IQCM: variants seen among roughly 807,000 people sequenced by gnomAD.
IQCM encodes IQ motif containing M.
In IQCM, 45 loss-of-function variants were observed where a neutral mutation model predicts 57.6. The ratio of observed to expected loss-of-function variants is 0.78; its 90% CI spans 0.62 to 1.00. IQCM has a LOEUF of 1.00. IQCM is among the 50% of genes least tolerant of loss of function. IQCM has a pLI of 0.00. For synonymous variants in IQCM, 148 were observed against 158.9 expected, an observed-to-expected ratio of 0.93 and a Z score of 0.51; for missense variants, 468 against 511.6, an observed-to-expected ratio of 0.91 and a Z score of 0.82.
chr4:149,400,916 C>T (rs1047854202), intron 13 of IQCM, among the ~76,000 whole-genome samples: 5 of 151,732 alleles, frequency 3.3e-5, no homozygotes, highest in African/African-American at 1.2e-4. Context: ...CAGAAGGAAA[C>T]CAGAGTGCCC....
chr4:149,433,804 G>C (rs968708934), intron 12 of IQCM, among the ~76,000 whole-genome samples: 1 of 151,372 alleles, frequency 6.6e-6, no homozygotes, highest in African/African-American at 2.4e-5. Context: ...TATTGTTAAG[G>C]CTGTGAAAAA....
intron 2 of IQCM, among the ~76,000 whole-genome samples, chr4:149,809,416 CA>C (rs1774360033): frequency 6.6e-6 from 1 of 152,002 alleles, no homozygotes. Context: ...GTCAGATAAC[CA>C]AGTGGGTTTT....
At chr4:149,725,424 C>T (rs780737132) in intron 5 of IQCM, among the ~76,000 whole-genome samples, 1 of 152,110 alleles carries the variant, frequency 6.6e-6, no homozygotes, top group Non-Finnish European at 1.5e-5. Context: ...TAATACATGC[C>T]TTTTGAGATA....
intron 7 of IQCM, among the ~76,000 whole-genome samples, chr4:149,676,160 A>G (rs1361480680): frequency 6.6e-6 from 1 of 152,076 alleles, no homozygotes; most frequent in Non-Finnish European, 1.5e-5. Context: ...ATCAAAATAG[A>G]AGAGCAAAAG....
At chr4:149,479,963 T>C (rs1740601628) in intron 12 of IQCM, among the ~76,000 whole-genome samples, 1 of 152,172 alleles carries the variant, frequency 6.6e-6, no homozygotes, top group South Asian at 2.1e-4. Flanking sequence ...AAATTAAGTG[T>C]GAATACACAT....
At chr4:149,769,047 A>G (rs1020780096) in intron 2 of IQCM, among the ~76,000 whole-genome samples, 3 of 152,120 alleles carry the variant, frequency 2.0e-5, no homozygotes, top group Non-Finnish European at 1.5e-5. Flanking sequence ...CTTTCATTAT[A>G]TAGGATTCAC....
At chr4:149,731,783 ATTTCT>A (rs1163378712) in intron 5 of IQCM, among the ~76,000 whole-genome samples, 1 of 152,166 alleles carries the variant, frequency 6.6e-6, no homozygotes, top group Non-Finnish European at 1.5e-5. Context: ...CAGTAAACAG[ATTTCT>A]TTTCTGCAGT....
chr4:149,796,082 AAGGGTAG>A (rs1773085525), intron 2 of IQCM, among the ~76,000 whole-genome samples: 1 of 152,118 alleles, frequency 6.6e-6, no homozygotes. Flanking sequence ...CTTTGGCCAC[AAGGGTAG>A]AGTACCAAGT....
At chr4:149,724,049 C>G (rs1032946264) in intron 5 of IQCM, among the ~76,000 whole-genome samples, 2 of 151,658 alleles carry the variant, frequency 1.3e-5, no homozygotes, top group Non-Finnish European at 2.9e-5. Flanking sequence ...AAGCATTTAT[C>G]TGTTTCCTAT....
At chr4:149,380,355 A>T (rs1008863282) in intron 13 of IQCM, among the ~76,000 whole-genome samples, 3 of 152,154 alleles carry the variant, frequency 2.0e-5, no homozygotes, top group African/African-American at 7.2e-5. Context: ...TTGGCAGCTC[A>T]ATTTGGTGGC....
intron 7 of IQCM, among the ~76,000 whole-genome samples, chr4:149,659,561 C>T (rs1485385639): frequency 6.6e-6 from 1 of 152,090 alleles, no homozygotes; most frequent in Non-Finnish European, 1.5e-5. Flanking sequence ...GGAGACATCA[C>T]ACTACCTGAC....
intron 5 of IQCM, among the ~76,000 whole-genome samples, chr4:149,728,502 A>G (rs752965649): frequency 1.3e-5 from 2 of 152,214 alleles, no homozygotes; most frequent in Non-Finnish European, 2.9e-5. Context: ...TTTAATCAAC[A>G]CATATTAAAA....
intron 4 of IQCM, among the ~76,000 whole-genome samples, chr4:149,734,603 A>G (rs893754844): frequency 6.6e-6 from 1 of 152,144 alleles, no homozygotes; most frequent in Non-Finnish European, 1.5e-5. Flanking sequence ...GTTTAAAAAA[A>G]TTTTTAAGTA....
At chr4:149,678,070 G>A (rs1225197722) in intron 7 of IQCM, among the ~76,000 whole-genome samples, 1 of 151,838 alleles carries the variant, frequency 6.6e-6, no homozygotes, top group African/African-American at 2.4e-5. Context: ...AGAATTATTG[G>A]TGCTTAAGAG....
At chr4:149,798,951 T>A (rs933914565) in intron 2 of IQCM, among the ~76,000 whole-genome samples, 2 of 151,848 alleles carry the variant, frequency 1.3e-5, no homozygotes, top group Non-Finnish European at 2.9e-5. Context: ...AAAGGAAACA[T>A]TGGACTTAAT....
At chr4:149,611,446 CAAAT>C (rs1393534388) in intron 8 of IQCM, among the ~76,000 whole-genome samples, 2 of 151,826 alleles carry the variant, frequency 1.3e-5, no homozygotes, top group South Asian at 2.1e-4. Flanking sequence ...AGTCCATCAA[CAAAT>C]GAATGAATAA....
At chr4:149,691,680 G>T (rs1762946116) in intron 5 of IQCM, 1 of 152,072 alleles carries the variant, frequency 6.6e-6, no homozygotes, top group Non-Finnish European at 1.5e-5. Flanking sequence ...CAAGGCAGGA[G>T]GTTTTCAAGT....
intron 8 of IQCM, among the ~76,000 whole-genome samples, chr4:149,598,041 C>T (rs1191577529): frequency 6.6e-6 from 1 of 152,076 alleles, no homozygotes; most frequent in Admixed American, 6.6e-5. Flanking sequence ...AGAATGATAA[C>T]TTCAAAATGC....
intron 12 of IQCM, among the ~76,000 whole-genome samples, chr4:149,491,184 A>T (rs1269546868): frequency 2.0e-5 from 3 of 152,054 alleles, no homozygotes; most frequent in Admixed American, 2.0e-4. Context: ...TTGACAAAAA[A>T]ATTGTACATA....
Sources: gnomAD v4.1 joint callset for allele counts (sites outside exome capture counted in the v4.1 genomes callset) on GRCh38, gnomAD v4.1.1 for gene constraint, MANE v1.5 for transcripts, NCBI Gene and HGNC (gene_info 2026-07-23, HGNC 2026-07-21) for gene names.